TNNT1: variants seen among roughly 807,000 people sequenced by gnomAD.
The protein encoded by TNNT1 is troponin T, slow skeletal muscle.
In TNNT1, 53 loss-of-function variants were observed where a neutral mutation model predicts 50.6. The observed-to-expected ratio is 1.05, with a 90% CI of 0.84 to 1.32. The LOEUF (loss-of-function observed/expected upper bound fraction) is 1.32, where lower values mean the gene tolerates loss of function less well. Ranked by LOEUF, TNNT1 falls within the 40% of genes most tolerant of loss-of-function variation. The pLI, the probability that TNNT1 is intolerant of heterozygous loss-of-function variation, is 0.00. For missense variants in TNNT1, 348 were observed against 381.7 expected (o/e 0.91, Z 0.74); for synonymous variants, 142 against 138.0 (o/e 1.03, Z -0.20).
Position 55,141,267 on chromosome 19 carries a change from C to CT in TNNT1, c.227_228insA (p.Glu77GlyfsTer28). On this transcript the variant is annotated frameshift_variant, in exon 8 of 14. Coordinates refer to ENST00000588981, the MANE Select transcript of TNNT1 (RefSeq NM_003283.6). LOFTEE classifies it high-confidence loss of function. ...GTACATCGATGAGTGTCTGCAGCTC[C>CT]AGCAGGTCTTTCTCCATGCGCTTGC... The CT allele has an allele frequency of 6.2e-7, 1 of 1,614,242 alleles. No homozygotes were observed. The highest frequency in any genetic ancestry group is 8.5e-7 in the Non-Finnish European group (1 of 1,180,042).
intron 11 of TNNT1, 52 bp downstream of exon 11, chr19:55,137,050 TC>T: frequency 2.5e-6 from 3 of 1,177,638 alleles, no homozygotes; most frequent in African/African-American, 1.5e-5. Context: ...AGCTCCTTTA[TC>T]CCCCTGTCTC....
At chr19:55,142,872 G>GC (rs2085484293) in intron 6 of TNNT1, among the ~76,000 whole-genome samples, 1 of 151,150 alleles carries the variant, frequency 6.6e-6, no homozygotes, top group African/African-American at 2.4e-5. Context: ...TGTAGAGATG[G>GC]CGTTTCACAG....
chr19:55,148,416 A>G lies in TNNT1; in HGVS notation c.-12+745T>C, dbSNP rs1014287062. Among the ~76,000 whole-genome samples the G allele has an allele frequency of 2.6e-5, 4 of 152,026 alleles. No homozygotes were observed. The East Asian group carries it at 7.7e-4, about 29-fold the overall frequency. ...CTGACCCCTACATTCTTAGACCTCA[A>G]AGTCTTTGAGACACCCTAGGCCACA... On this transcript the variant is annotated intron_variant, in intron 1 of 13. Coordinates refer to ENST00000588981, the MANE Select transcript of TNNT1 (RefSeq NM_003283.6).
chr19:55,141,144 T>G (rs201147593), intron 8 of TNNT1, 42 bp downstream of exon 8: 2 of 1,554,336 alleles, frequency 1.3e-6, no homozygotes, highest in Admixed American at 3.3e-5. Context: ...GGGATCCACA[T>G]GGAGGGAGGA....
At position 55,141,911 on chromosome 19, in the gene TNNT1, C is replaced by A; in HGVS notation, c.138G>T (p.Val46=). ...TCTTTGGCGGGATCAAAGGAGGCAC[C>A]ACGGGGCGGCTGAGTGGACAGAAAC... The part of the protein sequence containing the change: ...EEERPKPSRP[V]VPPLIPPKIP... Residue 46 remains valine (V), a synonymous_variant, in exon 7 of 14, where the codon GTG becomes GTT. Transcript: ENST00000588981. The A allele has an allele frequency of 2.5e-6, 4 of 1,614,038 alleles. No individual in the cohort carries two copies. The highest frequency in any genetic ancestry group is 3.4e-6 in the Non-Finnish European group (4 of 1,179,976).
chr19:55,148,456 A>C (rs1016514088), intron 1 of TNNT1, among the ~76,000 whole-genome samples: 4 of 151,928 alleles, frequency 2.6e-5, no homozygotes, highest in Non-Finnish European at 1.5e-5. Context: ...GCCTAGCCCC[A>C]AATCCCAATA....
intron 7 of TNNT1, 51 bp downstream of exon 7, chr19:55,141,806 G>A (rs747398148): frequency 2.3e-5 from 37 of 1,600,066 alleles, no homozygotes; most frequent in Admixed American, 1.7e-5. Flanking sequence ...TGACACAAAG[G>A]CCCCTTAAAG....
At chr19:55,132,991 A>AG (rs1466340352) in intron 13 of TNNT1, 31 bp from the exon 14 acceptor site, 1 of 1,579,192 alleles carries the variant, frequency 6.3e-7, no homozygotes. Context: ...ATCAGGAAAA[A>AG]GGGGCCCCTC....
chr19:55,135,816 C>T (rs984514019), intron 11 of TNNT1, among the ~76,000 whole-genome samples: 4 of 152,092 alleles, frequency 2.6e-5, no homozygotes, highest in Admixed American at 1.3e-4. Flanking sequence ...CCGCCGCGCC[C>T]GCCCGGCCAA....
At chr19:55,137,078 A>T in intron 11 of TNNT1, 25 bp downstream of exon 11, 2 of 1,210,050 alleles carry the variant, frequency 1.7e-6, no homozygotes, top group Non-Finnish European at 2.4e-6. Context: ...AGGCCCCTAC[A>T]CCCCGAGCCC....
Position 55,147,119 on chromosome 19 carries a change from C to A in TNNT1, c.32+7G>T, listed in dbSNP as rs914168623. The A allele has an allele frequency of 5.0e-6, 8 of 1,613,742 alleles. No homozygotes were observed. The highest frequency in any genetic ancestry group is 6.8e-6 in the Non-Finnish European group (8 of 1,179,912). ...CACGCCCCAACCCCTCCCAGTGCAG[C>A]ACTCACTCCTCATATTCCTGCTCCT... On this transcript the variant is annotated splice_region_variant and intron_variant, in intron 2 of 13. Coordinates refer to ENST00000588981, the MANE Select transcript of TNNT1 (RefSeq NM_003283.6).
intron 6 of TNNT1, among the ~76,000 whole-genome samples, chr19:55,142,853 T>A (rs1440231930): frequency 6.6e-6 from 1 of 151,618 alleles, no homozygotes; most frequent in African/African-American, 2.4e-5. Flanking sequence ...CAGCCATTTT[T>A]AAATTTTTTG....
At chr19:55,140,291 C>A (rs1011074264) in intron 9 of TNNT1, among the ~76,000 whole-genome samples, 4 of 151,648 alleles carry the variant, frequency 2.6e-5, no homozygotes, top group African/African-American at 9.7e-5. Context: ...AAAATGCTGT[C>A]TCTACAAAAA....
intron 5 of TNNT1, 116 bp downstream of exon 5, chr19:55,146,318 G>A (rs1465801758): frequency 4.6e-6 from 3 of 648,750 alleles, no homozygotes; most frequent in Non-Finnish European, 7.0e-6. Context: ...GGGCCTGGGG[G>A]CGGGTTATGG....
rs1208687459 is a variant in TNNT1 at position 55,146,478 on chromosome 19, A to G, written c.74-12T>C. The G allele has an allele frequency of 2.5e-6, 2 of 794,876 alleles. No individual in the cohort carries two copies. The highest frequency in any genetic ancestry group is 3.0e-5 in the South Asian group (1 of 32,950). 49.2% of individuals were successfully genotyped at this position (794,876 alleles called of 1,614,324 possible). ...CGGCTCTTCGGGGGCTGGGGAGGGG[A>G]GGGAGGAGCAGCGAGGGTTTGGGGA... On this transcript the variant is annotated splice_polypyrimidine_tract_variant and intron_variant, in intron 4 of 13. Transcript: ENST00000588981.
chr19:55,141,752 T>G (rs1436110631), intron 7 of TNNT1, 105 bp downstream of exon 7: 2 of 1,336,512 alleles, frequency 1.5e-6, no homozygotes, highest in African/African-American at 2.9e-5. Flanking sequence ...AGTGCTGGGA[T>G]TACAGGCATG....
chr19:55,141,321 GC>G lies in TNNT1; in HGVS notation c.193-20del. 6.2e-7 allele frequency: 1 copy of G among 1,604,414 alleles called. No homozygotes were observed. The highest frequency in any genetic ancestry group is 8.5e-7 in the Non-Finnish European group (1 of 1,171,204). ...GGATGTCCTGCAGGACACACGGGCAGCCCGTCCTAGGAGACCCTGGAGGGGG... is the reference window on the plus strand; with the variant it reads ...GGATGTCCTGCAGGACACACGGGCAGCCGTCCTAGGAGACCCTGGAGGGGG... On this transcript the variant is annotated intron_variant, in intron 7 of 13. Transcript: ENST00000588981.
rs752005810 is a variant in TNNT1 at position 55,132,979 on chromosome 19, G to C, written c.792-19C>G. The C allele has an allele frequency of 6.3e-7, 1 of 1,593,340 alleles. No individual in the cohort carries two copies. Among genetic ancestry groups the C allele is most frequent in the African/African-American group, 1.3e-5 (1 of 74,762 alleles). ...CTTCCGGCTGTAGAAGAATGAGGTG[G>C]TATCAGGAAAAAGGGGCCCCTCCAG... On this transcript the variant is annotated intron_variant, in intron 13 of 13. Transcript: ENST00000588981.
At chr19:55,145,350 T>A in intron 6 of TNNT1, 194 bp downstream of exon 6, 1 of 549,250 alleles carries the variant, frequency 1.8e-6, no homozygotes, top group Non-Finnish European at 3.1e-6. Flanking sequence ...GAAGAGGAAG[T>A]GGAGGAGGAG....
Sources: gnomAD v4.1 joint callset for allele counts (sites outside exome capture counted in the v4.1 genomes callset) on GRCh38, gnomAD v4.1.1 for gene constraint, MANE v1.5 for transcripts, NCBI Gene and HGNC (gene_info 2026-07-23, HGNC 2026-07-21) for gene names.